The following LRP1B variants were observed in gnomAD, a reference collection of about 807,000 sequenced individuals.
LRP1B encodes LDL receptor related protein 1B, also known as low-density lipoprotein receptor-related protein 1B.
In LRP1B, 217 loss-of-function variants were observed where a neutral mutation model predicts 556.6. The ratio of observed to expected loss-of-function variants is 0.39; its 90% confidence interval spans 0.35 to 0.44. The LOEUF is 0.44. LRP1B is among the 20% of genes least tolerant of loss of function. The pLI, the probability that LRP1B is intolerant of heterozygous loss-of-function variation, is 1.00. For missense variants in LRP1B, 5,053 were observed against 5,620.8 expected (o/e 0.90, Z 3.23); for synonymous variants, 2,047 against 1,865.8 (o/e 1.10, Z -2.50).
rs763825417 is a variant in LRP1B, at chr2:140,526,265, A to G, written c.7848T>C (p.Cys2616=). The G allele has an allele frequency of 6.2e-7, 1 of 1,611,948 alleles. No individual in the cohort carries two copies. Among genetic ancestry groups the G allele is most frequent in the Middle Eastern group, 1.7e-4 (1 of 6,048 alleles). The change falls in exon 48 of 91, where the codon TGT becomes TGC. Residue 2616 remains cysteine, a synonymous_variant. Transcript: ENST00000389484. ...AGTTCTTTTCATCTGAAGCATCTGC[A>G]CAATCTATGTTCTGGTTGCATCGTG... is the stretch of plus-strand genomic sequence containing the variant. ...RSARCNQNID[C]ADASDEKNCN... is the part of the protein sequence containing the mutation.
chr2:140,962,190 T>C (rs1188252943), intron 18 of LRP1B, among the ~76,000 whole-genome samples: 1 of 152,184 alleles, frequency 6.6e-6, no homozygotes, highest in East Asian at 1.9e-4. Flanking sequence ...AGGAAAAGTA[T>C]AAATTATTCA....
chr2:141,796,578 C>CTTTTTTTTTTTTTTTTTTT (rs75317117), intron 2 of LRP1B, among the ~76,000 whole-genome samples: 1 of 127,576 alleles, frequency 7.8e-6, no homozygotes. Flanking sequence ...GCATTTTATT[C>CTTTTTTTTTTTTTTTTTTT]TTTTTTTTTT....
intron 13 of LRP1B, among the ~76,000 whole-genome samples, chr2:141,015,013 T>G (rs764631880): frequency 3.9e-5 from 6 of 152,106 alleles, no homozygotes; most frequent in Non-Finnish European, 7.4e-5. Flanking sequence ...TTTGGTCATT[T>G]CTAACATCCC....
intron 43 of LRP1B, among the ~76,000 whole-genome samples, chr2:140,589,752 T>C (rs1682141461): frequency 6.6e-6 from 1 of 152,226 alleles, no homozygotes; most frequent in Non-Finnish European, 1.5e-5. Flanking sequence ...ATAAAGAAGT[T>C]ATAAAGTTTC....
chr2:141,896,915 G>A (rs1699471208), intron 1 of LRP1B, among the ~76,000 whole-genome samples: 1 of 152,058 alleles, frequency 6.6e-6, no homozygotes, highest in African/African-American at 2.4e-5. Flanking sequence ...CCTGTCTCTT[G>A]ATAAGTTGAT....
intron 6 of LRP1B, among the ~76,000 whole-genome samples, chr2:141,209,839 A>C (rs1165558062): frequency 6.6e-6 from 1 of 152,198 alleles, no homozygotes; most frequent in African/African-American, 2.4e-5. Flanking sequence ...GGTAGACCAT[A>C]AATTATAAGG....
chr2:140,683,427 G>A (rs1685933227), intron 41 of LRP1B: 1 of 540,090 alleles, frequency 1.9e-6, no homozygotes, highest in Non-Finnish European at 3.6e-6. Context: ...CAGTTGAGGT[G>A]GATAGTGCCA....
intron 7 of LRP1B, among the ~76,000 whole-genome samples, chr2:141,172,715 G>A (rs1333960739): frequency 6.6e-6 from 1 of 151,782 alleles, no homozygotes; most frequent in Non-Finnish European, 1.5e-5. Context: ...AATAGAATCT[G>A]ATATATATAT....
At position 141,450,939 on chromosome 2, in the gene LRP1B, C is replaced by G. The variant is rs550625952; in HGVS notation, c.343+29457G>C. The stretch of plus-strand genomic sequence containing the variant: ...ACTATTTCATATCCAACAAAACATG[C>G]TCCTAATAATAGACATCAGCTTAAA... On this transcript the variant is annotated intron_variant, in intron 3 of 90. Coordinates refer to ENST00000389484, the MANE Select transcript of LRP1B (RefSeq NM_018557.3). Among the ~76,000 whole-genome samples the G allele has an allele frequency of 9.2e-5, 14 of 152,232 alleles. 1 individual carries two copies. The highest frequency in any genetic ancestry group is 3.1e-4 in the African/African-American group (13 of 41,542).
rs187385984 is a variant in LRP1B at position 140,635,440 on chromosome 2, T to A, written c.6800-33801A>T. On this transcript the variant is annotated intron_variant, in intron 41 of 90. Transcript: ENST00000389484. ...CTAGGGCTGTAAGTTAAAAAAAAAA[T>A]TCCTTATTTTTTTGTTATTTTTATA... 3.1e-3 allele frequency among the ~76,000 whole-genome samples: 476 copies of A among 151,996 alleles called. 14 individuals carry two copies. In the South Asian group the frequency reaches 0.048, roughly 15 times the overall value.
intron 1 of LRP1B, among the ~76,000 whole-genome samples, chr2:142,060,211 T>A (rs1704852798): frequency 6.6e-6 from 1 of 152,050 alleles, no homozygotes; most frequent in South Asian, 2.1e-4. Context: ...AAATGAATGG[T>A]GTTTCTTCCT....
At chr2:141,976,555 G>A (rs977149266) in intron 1 of LRP1B, among the ~76,000 whole-genome samples, 11 of 152,052 alleles carry the variant, frequency 7.2e-5, no homozygotes, top group Admixed American at 6.6e-4. Flanking sequence ...GATAATCTTA[G>A]CAGGACCAAT....
Position 141,052,161 on chromosome 2 carries a change from A to G in LRP1B, c.1553-2939T>C, listed in dbSNP as rs572612908. ...ATTTTCTTAGACGAAATTACAGAAT[A>G]AAGTACCTTAACATCCTTGTCTTCA... is the stretch of plus-strand genomic sequence containing the variant. On this transcript the variant is annotated intron_variant, in intron 10 of 90. Coordinates refer to ENST00000389484, the MANE Select transcript of LRP1B (RefSeq NM_018557.3). Among the ~76,000 whole-genome samples the G allele has an allele frequency of 7.2e-5, 11 of 152,166 alleles. No individual in the cohort carries two copies. The South Asian group carries it at 2.3e-3, about 32-fold the overall frequency.
intron 83 of LRP1B, among the ~76,000 whole-genome samples, chr2:140,308,314 T>C (rs1397629284): frequency 2.0e-5 from 3 of 151,754 alleles, no homozygotes; most frequent in Non-Finnish European, 4.4e-5. Flanking sequence ...CTCTCTAATA[T>C]TGGACAGTTA....
chr2:141,560,384 G>T (rs1686103577), intron 2 of LRP1B, among the ~76,000 whole-genome samples: 2 of 151,724 alleles, frequency 1.3e-5, no homozygotes, highest in African/African-American at 4.8e-5. Flanking sequence ...CCGCTGGATT[G>T]CTTTTCCAAT....
chr2:141,237,360 T>G (rs538119341), intron 5 of LRP1B, among the ~76,000 whole-genome samples: 58 of 151,342 alleles, frequency 3.8e-4, no homozygotes, highest in African/African-American at 1.3e-3. Context: ...AGTGTTTTTT[T>G]TTTTTTTTTT....
chr2:141,245,796 A>T (rs1391274808), intron 5 of LRP1B, among the ~76,000 whole-genome samples: 1 of 152,180 alleles, frequency 6.6e-6, no homozygotes, highest in African/African-American at 2.4e-5. Flanking sequence ...GCAGTTTTGA[A>T]ACATGAAATG....
chr2:141,400,674 G>A (rs1034863507), intron 3 of LRP1B, among the ~76,000 whole-genome samples: 1 of 152,014 alleles, frequency 6.6e-6, no homozygotes, highest in African/African-American at 2.4e-5. Context: ...CCTTAATATG[G>A]TCCATTTATT....
At chr2:141,864,990 C>T (rs1393516995) in intron 1 of LRP1B, among the ~76,000 whole-genome samples, 1 of 152,124 alleles carries the variant, frequency 6.6e-6, no homozygotes, top group East Asian at 1.9e-4. Flanking sequence ...TCTATATTTG[C>T]AGTGTTTATA....
Sources: allele counts gnomAD v4.1 joint callset (sites outside exome capture counted in the v4.1 genomes callset), GRCh38; gene constraint gnomAD v4.1.1; transcripts MANE v1.5; gene names NCBI Gene and HGNC (gene_info 2026-07-23, HGNC 2026-07-21).